Variants in ILDR2 observed in about 807,000 individuals in gnomAD.
The protein encoded by ILDR2 is immunoglobulin-like domain-containing receptor 2.
ILDR2 carries 25 observed loss-of-function variants against 66.8 expected under a neutral mutation model. The ratio of observed to expected loss-of-function variants is 0.37; its 90% CI spans 0.27 to 0.52. ILDR2 has a LOEUF of 0.52. Ranked by LOEUF, ILDR2 falls within the 20% of genes least tolerant of loss-of-function variation. ILDR2 has a pLI of 0.88. For missense variants in ILDR2, 827 were observed against 876.8 expected, an observed-to-expected ratio of 0.94 and a Z score of 0.72; for synonymous variants, 367 against 357.2, an observed-to-expected ratio of 1.03 and a Z score of -0.31.
intron 6 of ILDR2, 41 bp downstream of exon 6, chr1:166,935,260 C>T: frequency 6.2e-6 from 10 of 1,609,200 alleles, no homozygotes; most frequent in Non-Finnish European, 8.5e-6. Context: ...CTGTGGGGGC[C>T]CGAGACAAGC....
At chr1:166,898,028 C>T (rs981210025) in intron 2 of ILDR2, among the ~76,000 whole-genome samples, 2 of 152,124 alleles carry the variant, frequency 1.3e-5, no homozygotes, top group Non-Finnish European at 2.9e-5. Context: ...GACATTTGAA[C>T]TCATTCTGGG....
chr1:166,935,246 A>G, intron 6 of ILDR2, 55 bp downstream of exon 6: 6 of 1,574,246 alleles, frequency 3.8e-6, no homozygotes, highest in South Asian at 1.1e-5. Flanking sequence ...ACAACAAGGA[A>G]CCACTGTGGG....
At chr1:166,898,966 G>T (rs928858801) in intron 2 of ILDR2, among the ~76,000 whole-genome samples, 5 of 151,822 alleles carry the variant, frequency 3.3e-5, no homozygotes, top group African/African-American at 9.7e-5. Flanking sequence ...AGGCTGAGGT[G>T]GGAGAATCCC....
intron 3 of ILDR2, among the ~76,000 whole-genome samples, chr1:166,940,338 C>T (rs1022038472): frequency 1.2e-4 from 19 of 152,142 alleles, no homozygotes; most frequent in African/African-American, 4.1e-4. Flanking sequence ...CAGATTAGTC[C>T]GTTTTAAAAC....
intron 3 of ILDR2, among the ~76,000 whole-genome samples, chr1:166,947,215 C>G (rs577643051): frequency 1.3e-5 from 2 of 152,162 alleles, no homozygotes; most frequent in Non-Finnish European, 2.9e-5. Flanking sequence ...TGTCATGGAA[C>G]GGGGAAAGTG....
rs1186493351 is a variant in ILDR2, at chr1:166,927,136, T to C, written c.925A>G (p.Met309Val). 2.5e-6 allele frequency: 4 copies of C among 1,613,798 alleles called. No homozygotes were observed. Among genetic ancestry groups the C allele is most frequent in the South Asian group, 1.1e-5 (1 of 91,018 alleles). Reference sequence around the variant, plus strand: ...TTCTCAACATAGTACAGGACCTTCATGGAGTCTCTCTCTTTGTCAGCCTGG... The same window carrying C: ...TTCTCAACATAGTACAGGACCTTCACGGAGTCTCTCTCTTTGTCAGCCTGG... ...RIQADKERDS[M>V]KVLYYVEKEL... Residue 309 changes from methionine (M) to valine (V), a missense_variant, in exon 7 of 10, where the codon ATG (methionine) becomes GTG (valine). Met to Val is a conservative substitution (Grantham distance 21, BLOSUM62 1). Transcript: ENST00000271417.
chr1:166,918,958 T>C lies in ILDR2; in HGVS notation c.*397A>G. 1 of 339,730 alleles carries C rather than the reference T, an allele frequency of 2.9e-6. No individual in the cohort carries two copies. Among genetic ancestry groups the C allele is most frequent in the Non-Finnish European group, 5.3e-6 (1 of 188,844 alleles). The allele number at this position is 339,730 out of a possible 1,614,324, so 21.0% of individuals were successfully genotyped here. A position where few individuals can be genotyped will look rare whatever the true frequency, so the allele number is the denominator to read the frequency against. ...TAATAAATTCTTCTGTCTCTAAGTA[T>C]AGCACAGGAGGTATAGAAAAGCATA... On this transcript the variant is annotated 3_prime_UTR_variant, in exon 10 of 10. Coordinates refer to ENST00000271417, the MANE Select transcript of ILDR2 (RefSeq NM_199351.3).
intron 1 of ILDR2, among the ~76,000 whole-genome samples, chr1:166,961,755 T>C (rs975389765): frequency 2.0e-5 from 3 of 152,236 alleles, no homozygotes; most frequent in Non-Finnish European, 4.4e-5. Flanking sequence ...TCTGTGAAGC[T>C]ACAAACCTAG....
intron 2 of ILDR2, among the ~76,000 whole-genome samples, chr1:166,900,443 A>C (rs1161055672): frequency 6.6e-6 from 1 of 152,252 alleles, no homozygotes. Context: ...ACACACTTTG[A>C]GATTGCCATA....
chr1:166,969,578 T>C (rs1468479229), intron 1 of ILDR2, among the ~76,000 whole-genome samples: 2 of 152,216 alleles, frequency 1.3e-5, no homozygotes, highest in Non-Finnish European at 2.9e-5. Context: ...CGTGCTTTGC[T>C]GGAGTCCTCT....
In ILDR2 at chr1:166,936,823, G is replaced by A; in HGVS notation, c.557-86C>T. 7.6e-7 allele frequency: 1 copy of A among 1,310,506 alleles called. No individual in the cohort carries two copies. The highest frequency in any genetic ancestry group is 1.3e-5 in the South Asian group (1 of 77,894). The allele number at this position is 1,310,506 out of a possible 1,614,324, so 81.2% of individuals were successfully genotyped here. On this transcript the variant is annotated intron_variant, in intron 4 of 9. Coordinates refer to ENST00000271417, the MANE Select transcript of ILDR2 (RefSeq NM_199351.3). The surrounding 1 kb of genome is among the most constrained non-coding windows in gnomAD (Gnocchi z 5.0). ...TTTGATTGGCATCTCCCGGTGAAAG[G>A]GGGAGAGGAGGAGGGACCTAGGGAA...
chr1:166,913,693 G>A lies in ILDR2; in HGVS notation c.*5662C>T, dbSNP rs1403439986. On this transcript the variant is annotated 3_prime_UTR_variant, in exon 10 of 10. Coordinates refer to ENST00000271417, the MANE Select transcript of ILDR2 (RefSeq NM_199351.3). Reference sequence around the variant, plus strand: ...AATGTAGTGAAGATGCCAGATTTTTGCTGTTAAGCAGCTTCTGCCTGGAGT... The same window carrying A: ...AATGTAGTGAAGATGCCAGATTTTTACTGTTAAGCAGCTTCTGCCTGGAGT... 2 of 152,106 alleles carry A rather than the reference G, an allele frequency of 1.3e-5. No individual in the cohort carries two copies. The highest frequency in any genetic ancestry group is 2.9e-5 in the Non-Finnish European group (2 of 68,014). The allele number at this position is 152,106 out of a possible 1,614,324, so 9.4% of individuals were successfully genotyped here.
At position 166,957,779 on chromosome 1, in the gene ILDR2, C is replaced by T. The variant is rs571690203; in HGVS notation, c.369G>A (p.Thr123=). 4 of 1,610,330 alleles carry T rather than the reference C, an allele frequency of 2.5e-6. No homozygotes were observed. Among genetic ancestry groups the T allele is most frequent in the Admixed American group, 1.7e-5 (1 of 59,948 alleles). ...LGDFYRGREI[T]IVHDADLQIG... is the part of the protein sequence containing the mutation. ...TAGGGGCATTATTACCATGAACAAT[C>T]GTGATCTCTCTGCCCCTGTAGAAAT... Residue 123 remains threonine, a synonymous_variant, in exon 2 of 10, where the codon ACG becomes ACA. Transcript: ENST00000271417.
intron 3 of ILDR2, among the ~76,000 whole-genome samples, chr1:166,944,431 G>A (rs2101932669): frequency 6.6e-6 from 1 of 152,268 alleles, no homozygotes; most frequent in Non-Finnish European, 1.5e-5. Context: ...ATGTGCTTCT[G>A]TGCCACAAGA....
intron 7 of ILDR2, among the ~76,000 whole-genome samples, chr1:166,924,486 T>G (rs1660156381): frequency 6.6e-6 from 1 of 152,256 alleles, no homozygotes; most frequent in South Asian, 2.1e-4. Context: ...TGCTAAAATT[T>G]CTGCCAAGTT....
chr1:166,948,352 T>C (rs1661764262), intron 3 of ILDR2, among the ~76,000 whole-genome samples: 2 of 152,244 alleles, frequency 1.3e-5, no homozygotes, highest in African/African-American at 4.8e-5. Context: ...AAGAGTATCC[T>C]AGTTTGGATG....
chr1:166,942,769 G>C (rs757150167), intron 3 of ILDR2, among the ~76,000 whole-genome samples: 1 of 152,178 alleles, frequency 6.6e-6, no homozygotes, highest in Non-Finnish European at 1.5e-5. Context: ...ATTAAAATTG[G>C]AAACAATAGT....
intron 2 of ILDR2, among the ~76,000 whole-genome samples, chr1:166,901,926 T>C (rs1028002928): frequency 9.2e-5 from 14 of 152,354 alleles, no homozygotes; most frequent in African/African-American, 3.4e-4. Context: ...AGTGGCGTGA[T>C]CTCGGCTCAC....
rs760622669 is a variant in ILDR2 at position 166,920,959 on chromosome 1, G to T, written c.1632C>A (p.Arg544=). Residue 544 remains arginine (R), a synonymous_variant, in exon 9 of 10, where the codon CGC becomes CGA. Coordinates refer to ENST00000271417, the MANE Select transcript of ILDR2 (RefSeq NM_199351.3). ...TGGATGGCGTCTCCAGGCTGCCACC[G>T]CGGCTGGCGCCCTCGGGCCGCGCCT... The part of the protein sequence containing the change: ...ERQARPEGAS[R]GGSLETPSKR... 2.0e-6 allele frequency: 3 copies of T among 1,483,414 alleles called. No individual in the cohort carries two copies. The highest frequency in any genetic ancestry group is 1.3e-5 in the South Asian group (1 of 77,008). The allele number at this position is 1,483,414 out of a possible 1,614,324, so 91.9% of individuals were successfully genotyped here. A position where few individuals can be genotyped will look rare whatever the true frequency, so the allele number is the denominator to read the frequency against.
Sources: gnomAD v4.1 joint callset for allele counts (sites outside exome capture counted in the v4.1 genomes callset) on GRCh38, gnomAD v4.1.1 for gene constraint, Gnocchi (gnomAD v3.1) non-coding constraint, MANE v1.5 for transcripts, NCBI Gene and HGNC (gene_info 2026-07-23, HGNC 2026-07-21) for gene names.